COG6: variants seen among roughly 807,000 people sequenced by gnomAD.
COG6 encodes the protein component of oligomeric golgi complex 6.
COG6 carries 74 observed loss-of-function variants against 88.8 expected under a neutral mutation model. The ratio of observed to expected loss-of-function variants is 0.83; its 90% CI spans 0.69 to 1.01. The LOEUF (loss-of-function observed/expected upper bound fraction) is 1.01, where lower values mean the gene tolerates loss of function less well. COG6 is among the 50% of genes least tolerant of loss of function. COG6 has a pLI of 0.00. For missense variants in COG6, 800 were observed against 797.9 expected, an observed-to-expected ratio of 1.00 and a Z score of -0.03; for synonymous variants, 286 against 278.7, an observed-to-expected ratio of 1.03 and a Z score of -0.26.
chr13:39,718,920 AAAAT>A (rs1878687574), intron 13 of COG6, among the ~76,000 whole-genome samples: 2 of 152,140 alleles, frequency 1.3e-5, no homozygotes, highest in African/African-American at 2.4e-5. Context: ...TTTGGGCTAA[AAAAT>A]AAAACAGTAG....
intron 3 of COG6, among the ~76,000 whole-genome samples, chr13:39,662,228 C>A (rs1874946362): frequency 7.0e-6 from 1 of 143,296 alleles, no homozygotes; most frequent in African/African-American, 2.6e-5. Context: ...CTTCTGAGTT[C>A]AAACAATTCT....
chr13:39,695,158 G>A (rs1877204940), intron 12 of COG6, among the ~76,000 whole-genome samples: 1 of 151,698 alleles, frequency 6.6e-6, no homozygotes, highest in South Asian at 2.1e-4. Flanking sequence ...ACTCACAATA[G>A]GGCATAGTGA....
intron 1 of COG6, 186 bp downstream of exon 1, chr13:39,656,065 C>A: frequency 1.3e-6 from 1 of 764,456 alleles, no homozygotes; most frequent in Non-Finnish European, 2.3e-6. Context: ...GGAGCCCCAG[C>A]AACCTCCGGA....
chr13:39,732,960 G>A (rs1879532326), intron 18 of COG6, among the ~76,000 whole-genome samples: 1 of 151,942 alleles, frequency 6.6e-6, no homozygotes, highest in Admixed American at 6.6e-5. Context: ...CATTTGCAGG[G>A]AACAGTGGCA....
chr13:39,672,381 A>T (rs1418501839), intron 4 of COG6, among the ~76,000 whole-genome samples: 2 of 152,016 alleles, frequency 1.3e-5, no homozygotes, highest in Non-Finnish European at 2.9e-5. Context: ...CTGAATTACA[A>T]CATTTTCACC....
intron 13 of COG6, among the ~76,000 whole-genome samples, chr13:39,705,094 C>T (rs545819433): frequency 1.3e-4 from 20 of 152,242 alleles, no homozygotes; most frequent in African/African-American, 4.8e-4. Context: ...CCTCTAAAAA[C>T]ACTGTAGCTT....
chr13:39,754,281 C>T (rs1035182594), downstream of COG6, among the ~76,000 whole-genome samples: 1 of 152,100 alleles, frequency 6.6e-6, no homozygotes, highest in South Asian at 2.1e-4. Flanking sequence ...ATAATGTTAG[C>T]TTAAATGTCT....
At chr13:39,759,063 A>G (rs907530221) in intron 18 of COG6, among the ~76,000 whole-genome samples, 3 of 152,190 alleles carry the variant, frequency 2.0e-5, no homozygotes, top group Non-Finnish European at 4.4e-5. Flanking sequence ...TTTCCAGGGG[A>G]CAGGGAGAGG....
chr13:39,679,308 A>G (rs1191642927), intron 5 of COG6: 1 of 511,082 alleles, frequency 2.0e-6, no homozygotes, highest in African/African-American at 1.9e-5. Context: ...GCAACTGTCA[A>G]CACTATTTGG....
intron 18 of COG6, among the ~76,000 whole-genome samples, chr13:39,769,192 C>T (rs1881249578): frequency 6.6e-6 from 1 of 152,210 alleles, no homozygotes; most frequent in Non-Finnish European, 1.5e-5. Flanking sequence ...CCATAACACT[C>T]CTATGTACAC....
intron 13 of COG6, among the ~76,000 whole-genome samples, chr13:39,710,269 C>G (rs1449712054): frequency 6.6e-6 from 1 of 151,828 alleles, no homozygotes. Flanking sequence ...TTATTTTTCT[C>G]TTTAAATTTT....
At chr13:39,755,652 G>A (rs775224786), downstream of COG6, among the ~76,000 whole-genome samples, 8 of 152,186 alleles carry the variant, frequency 5.3e-5, no homozygotes, top group Non-Finnish European at 1.2e-4. Context: ...AATGAACAGA[G>A]AGACCGTAAT....
chr13:39,684,238 G>A (rs1237336474), intron 8 of COG6, among the ~76,000 whole-genome samples: 1 of 77,280 alleles, frequency 1.3e-5, no homozygotes, highest in African/African-American at 4.6e-5. Flanking sequence ...ATGGCAATTT[G>A]GAAGATTTTT....
At chr13:39,709,613 T>C (rs1347883684) in intron 13 of COG6, among the ~76,000 whole-genome samples, 1 of 152,188 alleles carries the variant, frequency 6.6e-6, no homozygotes. Context: ...AGAAATGATT[T>C]CATTCTTTTT....
At chr13:39,692,687 G>A (rs144619442) in intron 11 of COG6, among the ~76,000 whole-genome samples, 82 of 152,056 alleles carry the variant, frequency 5.4e-4, no homozygotes, top group Middle Eastern at 3.4e-3. Context: ...CTCTGGCCTT[G>A]GAGAGGAGAG....
chr13:39,713,223 T>C (rs1209370851), intron 13 of COG6, among the ~76,000 whole-genome samples: 3 of 152,228 alleles, frequency 2.0e-5, no homozygotes, highest in African/African-American at 7.2e-5. Context: ...TTCTGTATTA[T>C]GATTATTGTT....
At chr13:39,665,044 G>GA (rs1390799163) in intron 3 of COG6, 52 bp from the exon 4 acceptor site, 4 of 871,520 alleles carry the variant, frequency 4.6e-6, no homozygotes, top group Non-Finnish European at 7.8e-6. Flanking sequence ...TTTGTTTTCT[G>GA]AAATATAATA....
At chr13:39,772,600 T>C (rs1398597106) in intron 18 of COG6, among the ~76,000 whole-genome samples, 1 of 152,242 alleles carries the variant, frequency 6.6e-6, no homozygotes, top group East Asian at 1.9e-4. Flanking sequence ...TAGGCTTTCC[T>C]AAAGTTCCCT....
chr13:39,765,703 T>TA (rs1304520636), intron 18 of COG6, among the ~76,000 whole-genome samples: 2 of 152,192 alleles, frequency 1.3e-5, no homozygotes, highest in East Asian at 3.9e-4. Context: ...CATCCTGCTT[T>TA]AAAAATTATT....
Sources: gnomAD v4.1 joint callset for allele counts (sites outside exome capture counted in the v4.1 genomes callset) on GRCh38, gnomAD v4.1.1 for gene constraint, MANE v1.5 for transcripts, NCBI Gene and HGNC (gene_info 2026-07-23, HGNC 2026-07-21) for gene names.